The following SS18L1 variants were observed in gnomAD, a reference collection of about 807,000 sequenced individuals.
The protein encoded by SS18L1 is calcium-responsive transactivator.
SS18L1 carries 32 observed loss-of-function variants against 70.3 expected under a neutral mutation model. That is an observed-to-expected ratio of 0.46 (90% CI 0.34 to 0.61). SS18L1 has a LOEUF of 0.61. SS18L1 is among the 20% of genes least tolerant of loss of function. The pLI, the probability that SS18L1 is intolerant of heterozygous loss-of-function variation, is 0.01. For missense variants in SS18L1, 430 were observed against 542.1 expected (o/e 0.79, Z 2.05); for synonymous variants, 237 against 229.7 (o/e 1.03, Z -0.29).
chr20:62,178,138 A>AT (rs2057652466), intron 10 of SS18L1, among the ~76,000 whole-genome samples: 1 of 93,944 alleles, frequency 1.1e-5, no homozygotes, highest in African/African-American at 4.7e-5. Flanking sequence ...CATGTGGCTT[A>AT]TTCTTTTTTT....
chr20:62,152,832 G>A (rs1341560533), intron 1 of SS18L1, among the ~76,000 whole-genome samples: 1 of 152,100 alleles, frequency 6.6e-6, no homozygotes, highest in Non-Finnish European at 1.5e-5. Context: ...AAGAAACTAC[G>A]AATCGACAAC....
rs34708339 is a variant in SS18L1, at chr20:62,150,633, A to ATTTTTTTTTTTTTTTTT, written c.69+6765_69+6781dup. ...CGGAGCATAAGAAACATTGAGGTGG[A>ATTTTTTTTTTTTTTTTT]TTTTTTTTTTTTTTTTTTTTTTTTT... On this transcript the variant is annotated intron_variant, in intron 1 of 10. Transcript: ENST00000331758. 2.4e-4 allele frequency among the ~76,000 whole-genome samples: 14 copies of ATTTTTTTTTTTTTTTTT among 58,052 alleles called. 4 individuals carry two copies. Among genetic ancestry groups the ATTTTTTTTTTTTTTTTT allele is most frequent in the South Asian group, 5.7e-4 (1 of 1,756 alleles). 38.1% of individuals were successfully genotyped at this position (58,052 alleles called of 152,430 possible).
Position 62,167,033 on chromosome 20 carries a change from A to AGTTT in SS18L1, c.916+1528_916+1531dup, listed in dbSNP as rs1426648108. ...TGGAGGAGGATTGCTTGAGCTCAGG[A>AGTTT]GTTTGTTTGTTTTTTTTTTTTTTTT... On this transcript the variant is annotated intron_variant, in intron 8 of 10. Coordinates refer to ENST00000331758, the MANE Select transcript of SS18L1 (RefSeq NM_198935.3). 7.8e-4 allele frequency among the ~76,000 whole-genome samples: 98 copies of AGTTT among 125,080 alleles called. 1 individual carries two copies. The highest frequency in any genetic ancestry group is 9.9e-4 in the Non-Finnish European group (62 of 62,722). 82.1% of individuals were successfully genotyped at this position (125,080 alleles called of 152,430 possible).
In SS18L1 at chr20:62,179,226, T is replaced by C; in HGVS notation, c.*18T>C. On this transcript the variant is annotated 3_prime_UTR_variant, in exon 11 of 11. Coordinates refer to ENST00000331758, the MANE Select transcript of SS18L1 (RefSeq NM_198935.3). ...AGCAGTAAGGGACACACATTCTGGC[T>C]GGAGCCCTTGTGGTAGCGTGTTCAT... 1 of 1,614,202 alleles carries C rather than the reference T, an allele frequency of 6.2e-7. No individual in the cohort carries two copies. The highest frequency in any genetic ancestry group is 1.1e-5 in the South Asian group (1 of 91,086).
Position 62,174,725 on chromosome 20 carries a change from G to C in SS18L1, c.1164+81G>C, listed in dbSNP as rs2057591160. ...ATGAAGATTTCTCTTATGGCCATGA[G>C]GAATAATGAGCTGGAACTAACTGGC... On this transcript the variant is annotated intron_variant, in intron 10 of 10. Coordinates refer to ENST00000331758, the MANE Select transcript of SS18L1 (RefSeq NM_198935.3). This position sits in a 1 kb window ranked among gnomAD's most constrained non-coding sequence, Gnocchi z 4.1. 6.2e-7 allele frequency: 1 copy of C among 1,610,902 alleles called. No individual in the cohort carries two copies. Among genetic ancestry groups the C allele is most frequent in the African/African-American group, 1.3e-5 (1 of 74,922 alleles).
In SS18L1 at chr20:62,181,583, G is replaced by A. The variant is rs541055079; in HGVS notation, c.*2375G>A. ...GTCTTACATTAAGAATATCTTGAAT[G>A]TTGTGTATATATTTTAAAAAGCACT... is the stretch of plus-strand genomic sequence containing the variant. On this transcript the variant is annotated 3_prime_UTR_variant, in exon 11 of 11. Transcript: ENST00000331758. 1 of 211,616 alleles carries A rather than the reference G, an allele frequency of 4.7e-6. No individual in the cohort carries two copies. The highest frequency in any genetic ancestry group is 9.6e-6 in the Non-Finnish European group (1 of 104,372). 13.1% of individuals were successfully genotyped at this position (211,616 alleles called of 1,614,324 possible).
At chr20:62,168,244 C>T (rs1439255946) in intron 8 of SS18L1, among the ~76,000 whole-genome samples, 8 of 152,082 alleles carry the variant, frequency 5.3e-5, no homozygotes, top group Non-Finnish European at 2.9e-5. Context: ...TGGTTTCCTC[C>T]TTGATTTAGA....
Position 62,177,882 on chromosome 20 carries a change from T to G in SS18L1, c.1165-1300T>G, listed in dbSNP as rs1314334692. Reference sequence around the variant, plus strand: ...GATTACAAGCACGTACTATCACACCTGGCTAATTTTTGTATTTTTAGTAGA... The same window carrying G: ...GATTACAAGCACGTACTATCACACCGGGCTAATTTTTGTATTTTTAGTAGA... On this transcript the variant is annotated intron_variant, in intron 10 of 10. Coordinates refer to ENST00000331758, the MANE Select transcript of SS18L1 (RefSeq NM_198935.3). Among the ~76,000 whole-genome samples, 3 of 151,776 alleles carry G rather than the reference T, an allele frequency of 2.0e-5. No individual in the cohort carries two copies. In the South Asian group the frequency reaches 6.2e-4, roughly 32 times the overall value.
chr20:62,157,746 G>A (rs1416507164), intron 1 of SS18L1, among the ~76,000 whole-genome samples: 1 of 152,196 alleles, frequency 6.6e-6, no homozygotes, highest in East Asian at 1.9e-4. Flanking sequence ...TGTGGCCTGT[G>A]GGCCTATCGT....
intron 1 of SS18L1, among the ~76,000 whole-genome samples, chr20:62,153,694 T>G (rs1406288654): frequency 6.6e-6 from 1 of 152,166 alleles, no homozygotes; most frequent in African/African-American, 2.4e-5. Flanking sequence ...CACTTGTCAC[T>G]AGTGTATCTC....
chr20:62,163,814 G>A (rs905253974), intron 6 of SS18L1, among the ~76,000 whole-genome samples, 192 bp downstream of exon 6: 1 of 151,968 alleles, frequency 6.6e-6, no homozygotes, highest in Non-Finnish European at 1.5e-5. Context: ...CCCGTGGAGG[G>A]TCTGCTGTCC....
chr20:62,179,250 A>T lies in SS18L1; in HGVS notation c.*42A>T, dbSNP rs1189459990. 1 of 1,613,388 alleles carries T rather than the reference A, an allele frequency of 6.2e-7. No homozygotes were observed. The highest frequency in any genetic ancestry group is 1.1e-5 in the South Asian group (1 of 91,066). On this transcript the variant is annotated 3_prime_UTR_variant, in exon 11 of 11. Transcript: ENST00000331758. Reference sequence around the variant, plus strand: ...CTGGAGCCCTTGTGGTAGCGTGTTCATCCAGGGGCCGGATGGGCTGGCGGC... The same window carrying T: ...CTGGAGCCCTTGTGGTAGCGTGTTCTTCCAGGGGCCGGATGGGCTGGCGGC...
Position 62,181,846 on chromosome 20 carries a change from TCTGA to T in SS18L1, c.*2641_*2644del, listed in dbSNP as rs960153996. 4.4e-6 allele frequency: 1 copy of T among 227,678 alleles called. No homozygotes were observed. The highest frequency in any genetic ancestry group is 2.2e-5 in the African/African-American group (1 of 45,016). 14.1% of individuals were successfully genotyped at this position (227,678 alleles called of 1,614,324 possible). A position where few individuals can be genotyped will look rare whatever the true frequency, so the allele number is the denominator to read the frequency against. ...TGTGGTTGATGGTGCTTTGTTTTTT[TCTGA>T]CTACTTCTATGGAAGGCCAGTGAAG... On this transcript the variant is annotated 3_prime_UTR_variant, in exon 11 of 11. Transcript: ENST00000331758.
chr20:62,162,794 T>C lies in SS18L1; in HGVS notation c.419T>C (p.Leu140Pro). Residue 140 changes from leucine to proline, a missense_variant, in exon 5 of 11, where the codon CTG becomes CCG. Coordinates refer to ENST00000331758, the MANE Select transcript of SS18L1 (RefSeq NM_198935.3). ...ATGCAGCAGACGGCGCCTAACACGC[T>C]GCCCACCACCTCCATGAGCATCTCT... ...VSMQQTAPNT[L>P]PTTSMSISGP... The C allele has an allele frequency of 6.2e-7, 1 of 1,612,604 alleles. No individual in the cohort carries two copies. The highest frequency in any genetic ancestry group is 8.5e-7 in the Non-Finnish European group (1 of 1,179,798).
At chr20:62,177,598 T>C (rs2057642759) in intron 10 of SS18L1, among the ~76,000 whole-genome samples, 1 of 152,242 alleles carries the variant, frequency 6.6e-6, no homozygotes, top group Admixed American at 6.5e-5. Flanking sequence ...TGATCCGTTG[T>C]CTTCCCCTGT....
rs762381516 is a variant in SS18L1, at chr20:62,143,806, C to T, written c.-15C>T. ...TCCACCTCGATGACCACGGGCTGAG[C>T]CCCGCGCCGCCACCATGTCCGTGGC... is the stretch of plus-strand genomic sequence containing the variant. On this transcript the variant is annotated 5_prime_UTR_variant, in exon 1 of 11. Transcript: ENST00000331758. 7 of 1,354,410 alleles carry T rather than the reference C, an allele frequency of 5.2e-6. No individual in the cohort carries two copies. Among genetic ancestry groups the T allele is most frequent in the East Asian group, 4.1e-5 (1 of 24,530 alleles). 83.9% of individuals were successfully genotyped at this position (1,354,410 alleles called of 1,614,324 possible).
rs1260717849 is a variant in SS18L1 at position 62,158,044 on chromosome 20, T to C, written c.70-628T>C. 1.3e-5 allele frequency among the ~76,000 whole-genome samples: 2 copies of C among 152,310 alleles called. No individual in the cohort carries two copies. Among genetic ancestry groups the C allele is most frequent in the East Asian group, 1.9e-4 (1 of 5,180 alleles). The stretch of plus-strand genomic sequence containing the variant: ...TGATCCTTGGGAGGGGGCAGTTACC[T>C]GTGCCCCACCCTGTGTGGTTGCAAT... On this transcript the variant is annotated intron_variant, in intron 1 of 10. Coordinates refer to ENST00000331758, the MANE Select transcript of SS18L1 (RefSeq NM_198935.3). The surrounding 1 kb of genome is among the most constrained non-coding windows in gnomAD (Gnocchi z 4.5).
chr20:62,163,646 G>A (rs1039885628), intron 6 of SS18L1, 24 bp downstream of exon 6: 25 of 1,534,316 alleles, frequency 1.6e-5, no homozygotes, highest in East Asian at 2.3e-5. Context: ...GGGCCAGGTC[G>A]CGGGCACAGC....
chr20:62,152,643 C>T (rs73613544), intron 1 of SS18L1, among the ~76,000 whole-genome samples: 1 of 151,282 alleles, frequency 6.6e-6, no homozygotes, highest in East Asian at 1.9e-4. Flanking sequence ...CTCCAGGCCG[C>T]GTGAATGGCT....
Sources: gnomAD v4.1 joint callset for allele counts (sites outside exome capture counted in the v4.1 genomes callset) on GRCh38, gnomAD v4.1.1 for gene constraint, Gnocchi (gnomAD v3.1) non-coding constraint, MANE v1.5 for transcripts, NCBI Gene and HGNC (gene_info 2026-07-23, HGNC 2026-07-21) for gene names.